Variants in PLCB1 observed in about 807,000 individuals in gnomAD.
PLCB1 encodes the protein phospholipase C beta 1.
In PLCB1, 46 loss-of-function variants were observed where a neutral mutation model predicts 161.8. That is an observed-to-expected ratio of 0.28 (90% confidence interval 0.22 to 0.36). PLCB1 has a LOEUF of 0.36. Among genes scored for constraint, PLCB1 ranks in the 10% least tolerant of loss-of-function variants. The probability of loss-of-function intolerance (pLI) is 1.00; values close to 1 mark genes in which losing one functional copy is unlikely to be tolerated. For missense variants in PLCB1, 1,016 were observed against 1,472.5 expected (o/e 0.69, Z 5.07); for synonymous variants, 517 against 503.7 (o/e 1.03, Z -0.35).
intron 20 of PLCB1, among the ~76,000 whole-genome samples, chr20:8,738,097 G>C (rs772066288): frequency 4.6e-5 from 7 of 152,216 alleles, no homozygotes; most frequent in Admixed American, 2.6e-4. Flanking sequence ...ACTGAGGAAA[G>C]AAATGAGTAG....
At chr20:8,172,025 A>G (rs1399178005) in intron 2 of PLCB1, among the ~76,000 whole-genome samples, 1 of 152,072 alleles carries the variant, frequency 6.6e-6, no homozygotes, top group Non-Finnish European at 1.5e-5. Context: ...CTTTCCCACA[A>G]AGCAGTTTGG....
chr20:8,278,229 T>G (rs1479068183), intron 2 of PLCB1, among the ~76,000 whole-genome samples: 1 of 85,454 alleles, frequency 1.2e-5, no homozygotes, highest in Admixed American at 1.3e-4. Flanking sequence ...TATGATACTG[T>G]TTTTTTGTGT....
intron 3 of PLCB1, among the ~76,000 whole-genome samples, chr20:8,491,555 G>C (rs1982948032): frequency 6.6e-6 from 1 of 152,040 alleles, no homozygotes; most frequent in African/African-American, 2.4e-5. Flanking sequence ...GTGTAGTGCT[G>C]ACCATTGTTA....
At chr20:8,716,484 G>C in intron 13 of PLCB1, 136 bp downstream of exon 13, 1 of 702,442 alleles carries the variant, frequency 1.4e-6, no homozygotes, top group Non-Finnish European at 2.6e-6. Context: ...CTTTGACAAG[G>C]AGGATACCAG....
chr20:8,426,361 C>T (rs1379720243), intron 3 of PLCB1, among the ~76,000 whole-genome samples: 1 of 152,156 alleles, frequency 6.6e-6, no homozygotes, highest in South Asian at 2.1e-4. Flanking sequence ...GCACTCTGTT[C>T]GCAGAAAACC....
At chr20:8,827,511 A>G (rs187893723) in intron 31 of PLCB1, among the ~76,000 whole-genome samples, 18 of 152,378 alleles carry the variant, frequency 1.2e-4, no homozygotes, top group Non-Finnish European at 2.1e-4. Context: ...CACTAGCCAT[A>G]CAGGGCTATT....
chr20:8,528,193 C>T (rs1984658208), intron 3 of PLCB1, among the ~76,000 whole-genome samples: 1 of 152,034 alleles, frequency 6.6e-6, no homozygotes, highest in Non-Finnish European at 1.5e-5. Context: ...TCCACTTCTG[C>T]ATTTCTACCA....
intron 31 of PLCB1, among the ~76,000 whole-genome samples, chr20:8,875,872 C>G (rs1458989850): frequency 6.6e-6 from 1 of 150,678 alleles, no homozygotes; most frequent in Non-Finnish European, 1.5e-5. Context: ...AGCTAACCTT[C>G]AAGAGTAACT....
At chr20:8,288,827 T>C (rs954042215) in intron 2 of PLCB1, among the ~76,000 whole-genome samples, 1 of 152,194 alleles carries the variant, frequency 6.6e-6, no homozygotes, top group African/African-American at 2.4e-5. Flanking sequence ...TATTACTCTG[T>C]TATGTATAGT....
intron 3 of PLCB1, among the ~76,000 whole-genome samples, chr20:8,537,475 C>T (rs1985101297): frequency 6.6e-6 from 1 of 152,048 alleles, no homozygotes; most frequent in African/African-American, 2.4e-5. Context: ...GGGAGACTGC[C>T]TTTCCCTGGT....
intron 2 of PLCB1, chr20:8,256,978 G>A (rs1981453585): frequency 6.6e-6 from 1 of 152,110 alleles, no homozygotes; most frequent in South Asian, 2.1e-4. Flanking sequence ...TTGTGTTACT[G>A]AACAAATGAT....
chr20:8,471,772 A>G (rs1982063991), intron 3 of PLCB1, among the ~76,000 whole-genome samples: 1 of 152,016 alleles, frequency 6.6e-6, no homozygotes, highest in South Asian at 2.1e-4. Flanking sequence ...GCTTTGAATC[A>G]CCCTCCTTTT....
At chr20:8,219,715 G>T (rs1023860345) in intron 2 of PLCB1, among the ~76,000 whole-genome samples, 5 of 152,168 alleles carry the variant, frequency 3.3e-5, no homozygotes, top group Non-Finnish European at 7.3e-5. Context: ...CAATTCTAGA[G>T]TTAAGTTCGC....
At chr20:8,681,996 G>A (rs1423685361) in intron 9 of PLCB1, among the ~76,000 whole-genome samples, 2 of 152,152 alleles carry the variant, frequency 1.3e-5, no homozygotes, top group Non-Finnish European at 2.9e-5. Context: ...AGGTGCTCGT[G>A]CCTGGGTTTC....
chr20:8,855,168 C>G (rs1490135014), intron 31 of PLCB1, among the ~76,000 whole-genome samples: 2 of 152,026 alleles, frequency 1.3e-5, no homozygotes, highest in Non-Finnish European at 2.9e-5. Flanking sequence ...AAGAAAGATT[C>G]AGACATTTCA....
intron 3 of PLCB1, among the ~76,000 whole-genome samples, chr20:8,508,929 G>A (rs984917039): frequency 2.6e-5 from 4 of 152,058 alleles, no homozygotes; most frequent in Admixed American, 2.0e-4. Flanking sequence ...AGAATTGCCA[G>A]GAAACAATGA....
intron 3 of PLCB1, among the ~76,000 whole-genome samples, chr20:8,509,014 C>T (rs182036793): frequency 6.6e-5 from 10 of 152,194 alleles, no homozygotes; most frequent in Admixed American, 2.6e-4. Flanking sequence ...ATTACTTGAA[C>T]GGAGGGCAGA....
chr20:8,826,020 G>A (rs1985678860), intron 31 of PLCB1, among the ~76,000 whole-genome samples: 1 of 152,168 alleles, frequency 6.6e-6, no homozygotes, highest in African/African-American at 2.4e-5. Context: ...ATGAGGGGGA[G>A]GGAGCCATGA....
Position 8,881,875 on chromosome 20 carries a change from T to C in PLCB1, c.*26T>C, listed in dbSNP as rs142723816. The C allele has an allele frequency of 2.3e-4, 326 of 1,443,062 alleles. No homozygotes were observed. The African/African-American group carries it at 3.1e-3, about 14-fold the overall frequency. The allele number at this position is 1,443,062 out of a possible 1,614,324, so 89.4% of individuals were successfully genotyped here. On this transcript the variant is annotated 3_prime_UTR_variant, in exon 32 of 32. Coordinates refer to ENST00000338037, the MANE Select transcript of PLCB1 (RefSeq NM_015192.4). ...ATGCTCCTGCCAGGCCTTCAGAAAT[T>C]GCATGGCCACTCCAGCGTCATCGGA... is the stretch of plus-strand genomic sequence containing the variant.
Sources: gnomAD v4.1 joint callset for allele counts (sites outside exome capture counted in the v4.1 genomes callset) on GRCh38, gnomAD v4.1.1 for gene constraint, MANE v1.5 for transcripts, NCBI Gene and HGNC (gene_info 2026-07-23, HGNC 2026-07-21) for gene names.